SPAG1: variants seen among roughly 807,000 people sequenced by gnomAD.
SPAG1 encodes the protein sperm-associated antigen 1.
SPAG1 carries 69 observed loss-of-function variants against 100.5 expected under a neutral mutation model. The ratio of observed to expected loss-of-function variants is 0.69; its 90% confidence interval spans 0.57 to 0.84. The LOEUF (loss-of-function observed/expected upper bound fraction) is 0.84, where lower values mean the gene tolerates loss of function less well. Ranked by LOEUF, SPAG1 falls within the 40% of genes least tolerant of loss-of-function variation. The pLI, the probability that SPAG1 is intolerant of heterozygous loss-of-function variation, is 0.00. For missense variants in SPAG1, 955 were observed against 1,133.1 expected (o/e 0.84, Z 2.26); for synonymous variants, 336 against 411.6 (o/e 0.82, Z 2.22).
At chr8:100,188,833 C>T (rs1371576673) in intron 8 of SPAG1, among the ~76,000 whole-genome samples, 1 of 152,186 alleles carries the variant, frequency 6.6e-6, no homozygotes, top group Non-Finnish European at 1.5e-5. Context: ...GGTGCATCAC[C>T]TGCCACTGTC....
intron 14 of SPAG1, among the ~76,000 whole-genome samples, chr8:100,228,116 T>C (rs945716490): frequency 2.0e-5 from 3 of 152,112 alleles, no homozygotes; most frequent in African/African-American, 7.2e-5. Flanking sequence ...AGTTCTGGGC[T>C]AACAGGTGTG....
In SPAG1 at chr8:100,240,494, C is replaced by T. The variant is rs777159691; in HGVS notation, c.2372C>T (p.Ser791Leu). 2 of 1,614,012 alleles carry T rather than the reference C, an allele frequency of 1.2e-6. No homozygotes were observed. The highest frequency in any genetic ancestry group is 1.7e-5 in the Admixed American group (1 of 60,008). The change falls in exon 18 of 19, where the codon TCA becomes TTA. Residue 791 changes from serine to leucine, a missense_variant. Coordinates refer to ENST00000388798, the MANE Select transcript of SPAG1 (RefSeq NM_003114.5). ...ASEKGGKSSRSPEDPEKLPIA... is the reference protein window; with the variant it reads ...ASEKGGKSSRLPEDPEKLPIA... ...GAGAAGGGAGGCAAAAGCAGCAGGT[C>T]ACCAGAAGACCCTGAGAAACTTCCG...
At chr8:100,170,786 C>T (rs1183420437) in intron 3 of SPAG1, among the ~76,000 whole-genome samples, 1 of 151,154 alleles carries the variant, frequency 6.6e-6, no homozygotes, top group Non-Finnish European at 1.5e-5. Context: ...AGATGTGCTT[C>T]TTTTCCAGTC....
intron 10 of SPAG1, chr8:100,194,475 T>C (rs891904350): frequency 1.5e-6 from 1 of 653,828 alleles, no homozygotes; most frequent in Non-Finnish European, 2.6e-6. Context: ...CCTGTCACCT[T>C]TTTCTAGTGC....
chr8:100,239,666 C>G lies in SPAG1; in HGVS notation c.2280+262C>G, dbSNP rs1002434266. On this transcript the variant is annotated intron_variant, in intron 17 of 18. Coordinates refer to ENST00000388798, the MANE Select transcript of SPAG1 (RefSeq NM_003114.5). This position sits in a 1 kb window ranked among gnomAD's most constrained non-coding sequence, Gnocchi z 5.0. ...TTCTTTGGCCTCCATCTGTACTGCT[C>G]CCACTCCAGAGTACACTGGGAACCA... is the stretch of plus-strand genomic sequence containing the variant. Among the ~76,000 whole-genome samples, 24 of 152,214 alleles carry G rather than the reference C, an allele frequency of 1.6e-4. No individual in the cohort carries two copies. Among genetic ancestry groups the G allele is most frequent in the Admixed American group, 1.6e-3 (24 of 15,282 alleles).
intron 13 of SPAG1, among the ~76,000 whole-genome samples, chr8:100,221,783 GAA>G (rs1818293116): frequency 1.3e-5 from 2 of 152,234 alleles, no homozygotes; most frequent in Non-Finnish European, 2.9e-5. Flanking sequence ...GAGAGAACAT[GAA>G]GAGACCTTAA....
intron 3 of SPAG1, among the ~76,000 whole-genome samples, chr8:100,171,881 A>G (rs3104199): frequency 0.63 from 96,208 of 151,848 alleles, 30,886 homozygotes; most frequent in African/African-American, 0.74. Context: ...GCCAGAAGAA[A>G]TCCCTTTATT....
In SPAG1 at chr8:100,239,513, C is replaced by A; in HGVS notation, c.2280+109C>A. 1 of 739,458 alleles carries A rather than the reference C, an allele frequency of 1.4e-6. No individual in the cohort carries two copies. Among genetic ancestry groups the A allele is most frequent in the Non-Finnish European group, 2.2e-6 (1 of 446,356 alleles). 45.8% of individuals were successfully genotyped at this position (739,458 alleles called of 1,614,324 possible). A position where few individuals can be genotyped will look rare whatever the true frequency, so the allele number is the denominator to read the frequency against. ...ACATTTTTAATTTTGTGTTTTTATT[C>A]TGATGATCAGTGACAAAATTTTAAC... On this transcript the variant is annotated intron_variant, in intron 17 of 18. Transcript: ENST00000388798. The surrounding 1 kb of genome is among the most constrained non-coding windows in gnomAD (Gnocchi z 5.0).
chr8:100,164,362 T>C (rs1481190832), intron 2 of SPAG1, among the ~76,000 whole-genome samples: 3 of 152,232 alleles, frequency 2.0e-5, no homozygotes, highest in Non-Finnish European at 2.9e-5. Context: ...TTGGTTGATA[T>C]TAAACTGAAA....
At chr8:100,202,342 T>TAA (rs113103783) in intron 10 of SPAG1, among the ~76,000 whole-genome samples, 16 of 145,818 alleles carry the variant, frequency 1.1e-4, no homozygotes, top group South Asian at 2.2e-4. Context: ...ACCATTTGTT[T>TAA]AAAAAAAAAA....
chr8:100,162,991 A>G (rs1815385535), intron 2 of SPAG1, among the ~76,000 whole-genome samples: 1 of 152,008 alleles, frequency 6.6e-6, no homozygotes, highest in Non-Finnish European at 1.5e-5. Context: ...AAATAAAAAA[A>G]GCTATTAGGA....
In SPAG1 at chr8:100,194,148, T is replaced by G; in HGVS notation, c.976T>G (p.Ser326Ala). Residue 326 changes from serine to alanine, a missense_variant, in exon 10 of 19, where the codon TCT becomes GCT. Physicochemically the swap from Ser to Ala is moderately conservative, Grantham distance 99. Transcript: ENST00000388798. ...LSEVERDLKN[S>A]EAASETQTKG... ...AGAGGTTGAAAGAGATCTGAAAAATTCTGAAGCTGCATCTGAGACTCAAAC... is the reference window on the plus strand; with the variant it reads ...AGAGGTTGAAAGAGATCTGAAAAATGCTGAAGCTGCATCTGAGACTCAAAC... The G allele has an allele frequency of 6.3e-7, 1 of 1,593,088 alleles. No individual in the cohort carries two copies.
At chr8:100,170,829 A>AT (rs1815789084) in intron 3 of SPAG1, among the ~76,000 whole-genome samples, 1 of 143,208 alleles carries the variant, frequency 7.0e-6, no homozygotes, top group South Asian at 2.1e-4. Context: ...TTATTTATTT[A>AT]TTTATTTATT....
At chr8:100,205,883 G>A (rs1817485096) in intron 10 of SPAG1, among the ~76,000 whole-genome samples, 1 of 151,800 alleles carries the variant, frequency 6.6e-6, no homozygotes, top group African/African-American at 2.4e-5. Context: ...GCTGGACATG[G>A]TGGTGCATGC....
At chr8:100,184,802 A>T in intron 7 of SPAG1, 69 bp downstream of exon 7, 2 of 877,766 alleles carry the variant, frequency 2.3e-6, no homozygotes, top group Non-Finnish European at 3.5e-6. Context: ...TGTTGAAACA[A>T]TATAAATAAG....
intron 10 of SPAG1, among the ~76,000 whole-genome samples, chr8:100,195,179 A>G (rs1022962691): frequency 4.1e-5 from 6 of 147,030 alleles, no homozygotes; most frequent in Admixed American, 2.7e-4. Context: ...AAAAAAAAAG[A>G]AAAAGAAAAA....
chr8:100,172,042 G>A (rs1055446555), intron 3 of SPAG1, among the ~76,000 whole-genome samples: 4 of 151,922 alleles, frequency 2.6e-5, no homozygotes, highest in Non-Finnish European at 1.5e-5. Context: ...TTACAGGCAC[G>A]TGCCACCGCG....
At chr8:100,186,142 T>C (rs1287656102) in intron 7 of SPAG1, among the ~76,000 whole-genome samples, 28 of 144,478 alleles carry the variant, frequency 1.9e-4, no homozygotes, top group African/African-American at 7.2e-4. Flanking sequence ...CATAGCTCGC[T>C]GCAGCCTCAA....
At chr8:100,189,274 G>A (rs754780877) in intron 8 of SPAG1, among the ~76,000 whole-genome samples, 3 of 151,616 alleles carry the variant, frequency 2.0e-5, no homozygotes, top group Admixed American at 6.6e-5. Context: ...CCAGGAGTTC[G>A]AGACCAGCCT....
Sources: gnomAD v4.1 joint callset for allele counts (sites outside exome capture counted in the v4.1 genomes callset) on GRCh38, gnomAD v4.1.1 for gene constraint, Gnocchi (gnomAD v3.1) non-coding constraint, MANE v1.5 for transcripts, NCBI Gene and HGNC (gene_info 2026-07-23, HGNC 2026-07-21) for gene names.